Variants in PBX1 observed in about 807,000 individuals in gnomAD.
PBX1 encodes pre-B-cell leukemia transcription factor 1.
In PBX1, 6 loss-of-function variants were observed where a neutral mutation model predicts 53.4. That is an observed-to-expected ratio of 0.11 (90% CI 0.06 to 0.22). The LOEUF is 0.22. Ranked by LOEUF, PBX1 falls within the 10% of genes least tolerant of loss-of-function variation. The pLI, the probability that PBX1 is intolerant of heterozygous loss-of-function variation, is 1.00. For missense variants in PBX1, 251 were observed against 551.4 expected (o/e 0.46, Z 5.46); for synonymous variants, 204 against 212.3 (o/e 0.96, Z 0.34).
Position 164,847,394 on chromosome 1 carries a change from A to G in PBX1, c.*718A>G, listed in dbSNP as rs1039587704. ...CGGGCAGGAAGTCAGGCAGCAGGGA[A>G]GGACACGGGAACAGCAGGTGGAGAA... is the stretch of plus-strand genomic sequence containing the variant. On this transcript the variant is annotated 3_prime_UTR_variant, in exon 9 of 9. Coordinates refer to ENST00000420696, the MANE Select transcript of PBX1 (RefSeq NM_002585.4). 9.4e-7 allele frequency: 1 copy of G among 1,064,394 alleles called. No homozygotes were observed. Among genetic ancestry groups the G allele is most frequent in the Non-Finnish European group, 1.1e-6 (1 of 878,708 alleles). The allele number at this position is 1,064,394 out of a possible 1,614,324, so 65.9% of individuals were successfully genotyped here.
At chr1:164,717,635 C>A (rs1664177339) in intron 2 of PBX1, among the ~76,000 whole-genome samples, 1 of 152,202 alleles carries the variant, frequency 6.6e-6, no homozygotes, top group Admixed American at 6.5e-5. Context: ...ACCCCTGACA[C>A]ATCCTCAACA....
At chr1:164,573,902 G>A (rs1444469554) in intron 2 of PBX1, among the ~76,000 whole-genome samples, 2 of 152,302 alleles carry the variant, frequency 1.3e-5, no homozygotes, top group East Asian at 1.9e-4. Flanking sequence ...GCATAACTCC[G>A]TTTTGTTCCT....
At chr1:164,746,930 T>C (rs914989150) in intron 2 of PBX1, among the ~76,000 whole-genome samples, 2 of 152,192 alleles carry the variant, frequency 1.3e-5, no homozygotes, top group Non-Finnish European at 2.9e-5. Flanking sequence ...CTTTTGCATA[T>C]CGGGCTTCTT....
At chr1:164,845,627 ATTTT>A (rs1671533761) in intron 8 of PBX1, among the ~76,000 whole-genome samples, 3 of 152,164 alleles carry the variant, frequency 2.0e-5, no homozygotes, top group Non-Finnish European at 4.4e-5. Flanking sequence ...TTCTTCAACT[ATTTT>A]AGTGCTGGGA....
chr1:164,634,276 T>A (rs1571113981), intron 2 of PBX1, among the ~76,000 whole-genome samples: 1 of 152,182 alleles, frequency 6.6e-6, no homozygotes, highest in Non-Finnish European at 1.5e-5. Flanking sequence ...GTTTCGAAGG[T>A]CGAGATTAGT....
intron 1 of PBX1, chr1:164,560,311 G>T (rs1652943055): frequency 2.5e-6 from 1 of 398,878 alleles, no homozygotes; most frequent in Non-Finnish European, 4.4e-6. Flanking sequence ...ACTGCCAACT[G>T]ATCCAAAAGC....
At chr1:164,623,015 G>A (rs1243795295) in intron 2 of PBX1, among the ~76,000 whole-genome samples, 4 of 151,884 alleles carry the variant, frequency 2.6e-5, no homozygotes, top group Non-Finnish European at 4.4e-5. Flanking sequence ...GAGTTTTGCC[G>A]TGTTGGCCAG....
At chr1:164,749,973 G>A (rs1297314781) in intron 2 of PBX1, among the ~76,000 whole-genome samples, 1 of 152,106 alleles carries the variant, frequency 6.6e-6, no homozygotes, top group Non-Finnish European at 1.5e-5. Flanking sequence ...GGTGGCACAT[G>A]CCTATAGTCC....
intron 2 of PBX1, among the ~76,000 whole-genome samples, chr1:164,692,280 T>C (rs530444169): frequency 1.7e-4 from 26 of 152,280 alleles, no homozygotes; most frequent in African/African-American, 6.0e-4. Flanking sequence ...TAAGTGAGGA[T>C]GGTGTGAACT....
intron 2 of PBX1, among the ~76,000 whole-genome samples, chr1:164,699,161 A>C (rs1241028936): frequency 2.0e-5 from 3 of 152,246 alleles, no homozygotes; most frequent in Non-Finnish European, 4.4e-5. Flanking sequence ...GACGTGGGTC[A>C]CAAAGAGGAG....
Position 164,663,154 on chromosome 1 carries a change from T to C in PBX1, c.265+99843T>C, listed in dbSNP as rs560498935. On this transcript the variant is annotated intron_variant, in intron 2 of 8. Transcript: ENST00000420696. The stretch of plus-strand genomic sequence containing the variant: ...CGTGCCTACCTTTCTGCCTGCCTTC[T>C]TGCCTGCCTGCCTTCCTTCCTGCCT... 4.3e-3 allele frequency among the ~76,000 whole-genome samples: 622 copies of C among 144,398 alleles called. 5 individuals are homozygous for C. Among genetic ancestry groups the C allele is most frequent in the African/African-American group, 0.015 (583 of 39,710 alleles). The allele number at this position is 144,398 out of a possible 152,430, so 94.7% of individuals were successfully genotyped here. A position where few individuals can be genotyped will look rare whatever the true frequency, so the allele number is the denominator to read the frequency against.
In PBX1 at chr1:164,569,339, G is replaced by A. The variant is rs370009871; in HGVS notation, c.265+6028G>A. ...ATAATGGTACTTATCTTAGAGGGTC[G>A]CTGTGAGGTTAAATAAGGTGATAGA... On this transcript the variant is annotated intron_variant, in intron 2 of 8. Coordinates refer to ENST00000420696, the MANE Select transcript of PBX1 (RefSeq NM_002585.4). Among the ~76,000 whole-genome samples, 4 of 152,074 alleles carry A rather than the reference G, an allele frequency of 2.6e-5. No individual in the cohort carries two copies. In the East Asian group the frequency reaches 5.8e-4, roughly 22 times the overall value.
chr1:164,878,738 T>TA (rs1672573808), intron 2 of PBX1, among the ~76,000 whole-genome samples: 2 of 152,088 alleles, frequency 1.3e-5, no homozygotes, highest in African/African-American at 2.4e-5. Flanking sequence ...GAGAAATGGG[T>TA]AAAAAAACAA....
At chr1:164,879,526 G>A (rs1227251125) in intron 2 of PBX1, among the ~76,000 whole-genome samples, 1 of 152,148 alleles carries the variant, frequency 6.6e-6, no homozygotes, top group South Asian at 2.1e-4. Flanking sequence ...AGATCTAAGT[G>A]GAAACCTCCA....
chr1:164,828,271 CGT>C (rs576407322), intron 8 of PBX1, among the ~76,000 whole-genome samples: 110 of 149,250 alleles, frequency 7.4e-4, no homozygotes, highest in African/African-American at 1.6e-3. Flanking sequence ...TTTGTGTATG[CGT>C]GTGTGTGTGT....
At chr1:164,777,347 C>T (rs1220054080) in intron 2 of PBX1, among the ~76,000 whole-genome samples, 4 of 152,146 alleles carry the variant, frequency 2.6e-5, no homozygotes, top group African/African-American at 4.8e-5. Flanking sequence ...CGCTTGAACC[C>T]GGGAGGCGGA....
chr1:164,741,642 A>C lies in PBX1; in HGVS notation c.266-50852A>C, dbSNP rs1390756684. The stretch of plus-strand genomic sequence containing the variant: ...CTTTAATAAATGGTAACAGTGCTTT[A>C]ATAAGTCCCCTGGCCATCATCTTAC... On this transcript the variant is annotated intron_variant, in intron 2 of 8. Transcript: ENST00000420696. Among the ~76,000 whole-genome samples, 3 of 152,048 alleles carry C rather than the reference A, an allele frequency of 2.0e-5. 1 individual carries two copies. The highest frequency in any genetic ancestry group is 4.4e-5 in the Non-Finnish European group (3 of 68,006).
intron 2 of PBX1, among the ~76,000 whole-genome samples, chr1:164,776,683 C>T (rs1667662377): frequency 6.6e-6 from 1 of 152,080 alleles, no homozygotes; most frequent in Non-Finnish European, 1.5e-5. Context: ...AGAACATATC[C>T]AAAAGGAAAC....
chr1:164,608,970 C>A (rs1452921938), intron 2 of PBX1, among the ~76,000 whole-genome samples: 1 of 152,106 alleles, frequency 6.6e-6, no homozygotes, highest in Non-Finnish European at 1.5e-5. Flanking sequence ...CTGCTTTCTC[C>A]TGAAATATAA....
Sources: gnomAD v4.1 joint callset for allele counts (sites outside exome capture counted in the v4.1 genomes callset) on GRCh38, gnomAD v4.1.1 for gene constraint, MANE v1.5 for transcripts, NCBI Gene and HGNC (gene_info 2026-07-23, HGNC 2026-07-21) for gene names.